The following MECOM variants were observed in gnomAD, a reference collection of about 807,000 sequenced individuals.
MECOM encodes histone-lysine N-methyltransferase MECOM.
A neutral mutation model predicts 116.3 loss-of-function variants in MECOM; 13 were observed. The ratio of observed to expected loss-of-function variants is 0.11; its 90% CI spans 0.07 to 0.18. The LOEUF is 0.18. MECOM is among the 10% of genes least tolerant of loss of function. The pLI is 1.00. For missense variants in MECOM, 1,299 were observed against 1,509.0 expected, an observed-to-expected ratio of 0.86 and a Z score of 2.31; for synonymous variants, 528 against 535.2, an observed-to-expected ratio of 0.99 and a Z score of 0.19.
intron 1 of MECOM, among the ~76,000 whole-genome samples, chr3:169,520,866 C>A (rs1757263265): frequency 6.6e-6 from 1 of 152,180 alleles, no homozygotes; most frequent in Non-Finnish European, 1.5e-5. Flanking sequence ...TCCAGCTCTG[C>A]ACCCACCCCA....
At chr3:169,302,092 T>C (rs1257938830) in intron 2 of MECOM, among the ~76,000 whole-genome samples, 3 of 152,250 alleles carry the variant, frequency 2.0e-5, no homozygotes, top group African/African-American at 7.2e-5. Context: ...TTCCACTACC[T>C]TGCCTTTTTA....
intron 2 of MECOM, among the ~76,000 whole-genome samples, chr3:169,279,798 T>C (rs1293079300): frequency 3.9e-5 from 6 of 152,242 alleles, no homozygotes; most frequent in Admixed American, 2.0e-4. Context: ...TTTCTTTTTT[T>C]AACAAAAACG....
intron 1 of MECOM, among the ~76,000 whole-genome samples, chr3:169,550,286 A>G (rs1761217969): frequency 6.6e-6 from 1 of 152,212 alleles, no homozygotes; most frequent in African/African-American, 2.4e-5. Context: ...TACTTAACTC[A>G]CTTCCACCTG....
At chr3:169,388,415 C>T (rs1283794585) in intron 1 of MECOM, among the ~76,000 whole-genome samples, 2 of 152,028 alleles carry the variant, frequency 1.3e-5, no homozygotes, top group Admixed American at 6.6e-5. Flanking sequence ...GCCAGATGCA[C>T]AAACAGAACA....
At chr3:169,242,865 T>C (rs1228015433) in intron 2 of MECOM, among the ~76,000 whole-genome samples, 1 of 151,922 alleles carries the variant, frequency 6.6e-6, no homozygotes, top group Non-Finnish European at 1.5e-5. Context: ...CTTTTTTTTT[T>C]TTTTCTTTTC....
chr3:169,459,882 G>T (rs1747136232), intron 1 of MECOM, among the ~76,000 whole-genome samples: 1 of 152,152 alleles, frequency 6.6e-6, no homozygotes, highest in African/African-American at 2.4e-5. Flanking sequence ...CTGGTGCTAG[G>T]CAGTGGAGAA....
chr3:169,455,550 A>G (rs1379587748), intron 1 of MECOM, among the ~76,000 whole-genome samples: 1 of 152,014 alleles, frequency 6.6e-6, no homozygotes, highest in African/African-American at 2.4e-5. Flanking sequence ...TATCCTATAA[A>G]CCCCATTATT....
chr3:169,419,029 T>C (rs534145950), intron 1 of MECOM, among the ~76,000 whole-genome samples: 1 of 152,332 alleles, frequency 6.6e-6, no homozygotes, highest in East Asian at 1.9e-4. Context: ...CTTAAGCTGA[T>C]AAGCAAATTT....
In MECOM at chr3:169,600,782, T is replaced by A. The variant is rs7642035; in HGVS notation, c.37+62554A>T. 2.8e-3 allele frequency among the ~76,000 whole-genome samples: 430 copies of A among 152,322 alleles called. 5 individuals are homozygous for A. The highest frequency in any genetic ancestry group is 0.01 in the African/African-American group (416 of 41,582). ...TTTTGTGAATAAATCATAAACAAAA[T>A]TTCAGGTGATTATTTTTGGCTGAGC... is the stretch of plus-strand genomic sequence containing the variant. On this transcript the variant is annotated intron_variant, in intron 1 of 16. Coordinates refer to ENST00000651503, the MANE Select transcript of MECOM (RefSeq NM_004991.4).
chr3:169,161,332 A>G (rs1742817052), intron 2 of MECOM, among the ~76,000 whole-genome samples: 1 of 152,206 alleles, frequency 6.6e-6, no homozygotes, highest in Non-Finnish European at 1.5e-5. Context: ...GCATCCTTAT[A>G]TACAGCAAGA....
Position 169,509,904 on chromosome 3 carries a change from G to A in MECOM, c.38-128380C>T, listed in dbSNP as rs1012164806. On this transcript the variant is annotated intron_variant, in intron 1 of 16. Coordinates refer to ENST00000651503, the MANE Select transcript of MECOM (RefSeq NM_004991.4). ...AGTCCAAGCCGACTCAAAGGCAGCC[G>A]GTCAGCATCAGGCTTACGCATCTCT... Among the ~76,000 whole-genome samples, 24 of 152,276 alleles carry A rather than the reference G, an allele frequency of 1.6e-4. No individual in the cohort carries two copies. In the East Asian group the frequency reaches 3.5e-3, roughly 22 times the overall value.
At chr3:169,485,118 C>T (rs1751957861) in intron 1 of MECOM, among the ~76,000 whole-genome samples, 1 of 152,112 alleles carries the variant, frequency 6.6e-6, no homozygotes, top group South Asian at 2.1e-4. Flanking sequence ...CCTCAGTCTC[C>T]TGAGTAGCTG....
In MECOM at chr3:169,257,692, T is replaced by C. The variant is rs116024819; in HGVS notation, c.376-113860A>G. ...CTTCTCTAGAGAAAACTTGGATATA[T>C]AAGTTTATCACCTTTTTCTTTCCCT... On this transcript the variant is annotated intron_variant, in intron 2 of 16. Coordinates refer to ENST00000651503, the MANE Select transcript of MECOM (RefSeq NM_004991.4). Among the ~76,000 whole-genome samples the C allele has an allele frequency of 5.6e-3, 856 of 152,350 alleles. 6 individuals are homozygous for C. Among genetic ancestry groups the C allele is most frequent in the African/African-American group, 0.02 (813 of 41,574 alleles).
chr3:169,176,842 G>A (rs1274434658), intron 2 of MECOM, among the ~76,000 whole-genome samples: 2 of 152,118 alleles, frequency 1.3e-5, no homozygotes, highest in Non-Finnish European at 2.9e-5. Context: ...AGACATTTAT[G>A]GGGCCAACAA....
intron 2 of MECOM, among the ~76,000 whole-genome samples, chr3:169,376,787 C>T (rs960913619): frequency 2.6e-5 from 4 of 152,036 alleles, no homozygotes. Context: ...TTATCCCATC[C>T]AGCTACCATT....
At chr3:169,660,048 G>A (rs1229242959) in intron 1 of MECOM, among the ~76,000 whole-genome samples, 1 of 152,102 alleles carries the variant, frequency 6.6e-6, no homozygotes, top group Non-Finnish European at 1.5e-5. Context: ...GTCACTTTGG[G>A]GAAGTAAGGT....
chr3:169,084,802 C>A lies in MECOM; in HGVS notation c.*107G>T. 1.6e-6 allele frequency: 2 copies of A among 1,226,206 alleles called. No homozygotes were observed. Among genetic ancestry groups the A allele is most frequent in the Non-Finnish European group, 2.3e-6 (2 of 859,898 alleles). 76.0% of individuals were successfully genotyped at this position (1,226,206 alleles called of 1,614,324 possible). ...AGGTCACTAGACTTTAGATGAGTGA[C>A]CCTGCAGGTTTATAAGGCATTCTGC... On this transcript the variant is annotated 3_prime_UTR_variant, in exon 17 of 17. Coordinates refer to ENST00000651503, the MANE Select transcript of MECOM (RefSeq NM_004991.4).
At chr3:169,369,985 T>C (rs866608665) in intron 2 of MECOM, among the ~76,000 whole-genome samples, 19 of 151,988 alleles carry the variant, frequency 1.3e-4, no homozygotes, top group African/African-American at 4.6e-4. Flanking sequence ...CTTCACTTCT[T>C]AGTTATCTAG....
chr3:169,141,317 T>C (rs1349420245), intron 3 of MECOM, among the ~76,000 whole-genome samples: 1 of 152,072 alleles, frequency 6.6e-6, no homozygotes, highest in Non-Finnish European at 1.5e-5. Flanking sequence ...TTATAATTTC[T>C]TGTAGAGCGT....
Sources: gnomAD v4.1 joint callset for allele counts (sites outside exome capture counted in the v4.1 genomes callset) on GRCh38, gnomAD v4.1.1 for gene constraint, MANE v1.5 for transcripts, NCBI Gene and HGNC (gene_info 2026-07-23, HGNC 2026-07-21) for gene names.